The following CUX1 variants were observed in gnomAD, a reference collection of about 807,000 sequenced individuals.
The protein encoded by CUX1 is cut like homeobox 1, also known as protein CASP.
A neutral mutation model predicts 158.8 loss-of-function variants in CUX1; 31 were observed. The ratio of observed to expected loss-of-function variants is 0.20; its 90% CI spans 0.15 to 0.26. The LOEUF (loss-of-function observed/expected upper bound fraction) is 0.26, where lower values mean the gene tolerates loss of function less well. Ranked by LOEUF, CUX1 falls within the 10% of genes least tolerant of loss-of-function variation. The pLI is 1.00. For missense variants in CUX1, 1,589 were observed against 2,014.6 expected, an observed-to-expected ratio of 0.79 and a Z score of 4.04; for synonymous variants, 879 against 862.1, an observed-to-expected ratio of 1.02 and a Z score of -0.34.
At chr7:102,214,928 G>A (rs1353924304) in intron 20 of CUX1, among the ~76,000 whole-genome samples, 1 of 152,208 alleles carries the variant, frequency 6.6e-6, no homozygotes, top group Non-Finnish European at 1.5e-5. Context: ...CTGTCATTTG[G>A]CACCTAAATA....
At chr7:102,022,533 G>T (rs62465574) in intron 2 of CUX1, among the ~76,000 whole-genome samples, 40,275 of 151,384 alleles carry the variant, frequency 0.27, 5,764 homozygotes, top group Non-Finnish European at 0.31. Flanking sequence ...TGGGAGGATT[G>T]CTCGTGCCCG....
rs1437322058 is a variant in CUX1, at chr7:102,251,111, A to G, written c.*2069A>G. The stretch of plus-strand genomic sequence containing the variant: ...TTACAAGATGTAGTTGTCATACTGT[A>G]TATTACTGATTGAAAACTTTTTGAC... On this transcript the variant is annotated 3_prime_UTR_variant, in exon 24 of 24. Coordinates refer to ENST00000292535, the MANE Select transcript of CUX1 (RefSeq NM_181552.4). 8 of 985,300 alleles carry G rather than the reference A, an allele frequency of 8.1e-6. No homozygotes were observed. The highest frequency in any genetic ancestry group is 9.6e-6 in the Non-Finnish European group (8 of 829,832). The allele number at this position is 985,300 out of a possible 1,614,324, so 61.0% of individuals were successfully genotyped here.
intron 23 of CUX1, among the ~76,000 whole-genome samples, chr7:102,246,431 CAAAT>C (rs1284680056): frequency 1.3e-5 from 2 of 152,168 alleles, no homozygotes; most frequent in East Asian, 3.8e-4. Flanking sequence ...ACGCAGGAAT[CAAAT>C]AACTCCATAG....
chr7:101,909,950 C>T (rs186545364), intron 1 of CUX1, among the ~76,000 whole-genome samples: 87 of 152,260 alleles, frequency 5.7e-4, no homozygotes, highest in Non-Finnish European at 9.8e-4. Context: ...GACAGAGTCT[C>T]GCTCTGCTGC....
In CUX1 at chr7:102,250,848, A is replaced by G. The variant is rs1801438147; in HGVS notation, c.*1806A>G. ...TTCTTAAGTACCTGTGCACACGTAG[A>G]GTGCATTACTGCCACCTTTTTCAAT... On this transcript the variant is annotated 3_prime_UTR_variant, in exon 24 of 24. Coordinates refer to ENST00000292535, the MANE Select transcript of CUX1 (RefSeq NM_181552.4). 6 of 985,302 alleles carry G rather than the reference A, an allele frequency of 6.1e-6. No individual in the cohort carries two copies. The highest frequency in any genetic ancestry group is 1.1e-4 in the East Asian group (1 of 8,832). 61.0% of individuals were successfully genotyped at this position (985,302 alleles called of 1,614,324 possible). A position where few individuals can be genotyped will look rare whatever the true frequency, so the allele number is the denominator to read the frequency against.
intron 1 of CUX1, among the ~76,000 whole-genome samples, chr7:101,821,671 C>CTTTTTTTTTCTTTTTTTTTTTTTTT (rs1792579350): frequency 1.9e-5 from 1 of 51,302 alleles, no homozygotes; most frequent in African/African-American, 8.1e-5. Context: ...TTTCTTTTTT[C>CTTTTTTTTTCTTTTTTTTTTTTTTT]TTTTTTTTTT....
chr7:101,908,974 A>G (rs765186408), intron 1 of CUX1, among the ~76,000 whole-genome samples: 25 of 152,176 alleles, frequency 1.6e-4, no homozygotes, highest in Non-Finnish European at 3.5e-4. Flanking sequence ...TTTAAAGATG[A>G]GCAAATCCAG....
In CUX1 at chr7:102,142,569, G is replaced by A. The variant is rs1329171207; in HGVS notation, c.675-15991G>A. On this transcript the variant is annotated intron_variant, in intron 8 of 23. Coordinates refer to ENST00000292535, the MANE Select transcript of CUX1 (RefSeq NM_181552.4). ...GAGCCCAGGAATTTGAGGCTGCAGT[G>A]AGCCATGATAGTACCACTGCACTCC... 2.0e-5 allele frequency among the ~76,000 whole-genome samples: 3 copies of A among 152,162 alleles called. No homozygotes were observed. The East Asian group carries it at 5.8e-4, about 29-fold the overall frequency.
At chr7:101,886,286 T>C (rs188559394) in intron 1 of CUX1, among the ~76,000 whole-genome samples, 1 of 152,164 alleles carries the variant, frequency 6.6e-6, no homozygotes. Context: ...CTCTGTCTCC[T>C]GGGCTCAAGT....
At chr7:102,125,212 G>A (rs1832492771) in intron 8 of CUX1, among the ~76,000 whole-genome samples, 1 of 152,178 alleles carries the variant, frequency 6.6e-6, no homozygotes, top group Non-Finnish European at 1.5e-5. Flanking sequence ...GAGTGGGTCA[G>A]GGTTACCGCA....
At chr7:101,842,872 A>AT (rs375610847) in intron 1 of CUX1, among the ~76,000 whole-genome samples, 36,525 of 105,460 alleles carry the variant, frequency 0.35, 7,610 homozygotes, top group African/African-American at 0.47. Context: ...AAATTATTCT[A>AT]TTTTTTTTTT....
chr7:102,247,888 T>C (rs901261715), intron 23 of CUX1, among the ~76,000 whole-genome samples: 4 of 152,002 alleles, frequency 2.6e-5, no homozygotes, highest in Non-Finnish European at 5.9e-5. Context: ...CCCAGCACTT[T>C]TGGAGGCCAA....
At position 102,254,555 on chromosome 7, in the gene CUX1, T is replaced by C. The variant is rs915340186; in HGVS notation, c.*5513T>C. ...GGTGGTTGGAGGTGGGTCTGTCCAC[T>C]GTGGGGGCCAAAGTGTTCCCCTGCT... is the stretch of plus-strand genomic sequence containing the variant. On this transcript the variant is annotated 3_prime_UTR_variant, in exon 24 of 24. Transcript: ENST00000292535. 1.0e-6 allele frequency: 1 copy of C among 985,422 alleles called. No individual in the cohort carries two copies. The highest frequency in any genetic ancestry group is 1.2e-6 in the Non-Finnish European group (1 of 830,008). The allele number at this position is 985,422 out of a possible 1,614,324, so 61.0% of individuals were successfully genotyped here. A position where few individuals can be genotyped will look rare whatever the true frequency, so the allele number is the denominator to read the frequency against.
At chr7:102,202,575 G>A (rs539725480) in intron 18 of CUX1, among the ~76,000 whole-genome samples, 6 of 152,242 alleles carry the variant, frequency 3.9e-5, no homozygotes, top group African/African-American at 1.4e-4. Context: ...AGCTTTTGCT[G>A]CCAAGGGGAG....
chr7:102,192,142 A>T (rs187229208), intron 12 of CUX1, among the ~76,000 whole-genome samples: 1 of 152,232 alleles, frequency 6.6e-6, no homozygotes, highest in Admixed American at 6.5e-5. Context: ...CCTTCTCAGC[A>T]TCGTCCCATT....
At chr7:102,091,365 C>T (rs749995051) in intron 4 of CUX1, among the ~76,000 whole-genome samples, 2 of 151,940 alleles carry the variant, frequency 1.3e-5, no homozygotes, top group Admixed American at 6.6e-5. Flanking sequence ...GGGTCTCGCT[C>T]TGTTGCTGAG....
At chr7:102,009,898 C>T (rs139107832) in intron 2 of CUX1, among the ~76,000 whole-genome samples, 132 of 152,336 alleles carry the variant, frequency 8.7e-4, no homozygotes, top group African/African-American at 2.8e-3. Context: ...TTCAGTGAGC[C>T]TTCGTGACTG....
At chr7:102,143,747 G>A (rs1834718821) in intron 8 of CUX1, among the ~76,000 whole-genome samples, 1 of 152,184 alleles carries the variant, frequency 6.6e-6, no homozygotes, top group South Asian at 2.1e-4. Context: ...GGCATCAGGT[G>A]GACCGCACAG....
intron 14 of CUX1, among the ~76,000 whole-genome samples, chr7:102,263,314 C>CTTTTTT (rs71123026): frequency 2.2e-5 from 2 of 89,528 alleles, no homozygotes; most frequent in East Asian, 3.5e-4. Context: ...CACACCTAGC[C>CTTTTTT]TTTTTTTTTT....
Sources: allele counts gnomAD v4.1 joint callset (sites outside exome capture counted in the v4.1 genomes callset), GRCh38; gene constraint gnomAD v4.1.1; transcripts MANE v1.5; gene names NCBI Gene and HGNC (gene_info 2026-07-23, HGNC 2026-07-21).